Variants in AFG2A observed in about 807,000 individuals in gnomAD.
AFG2A encodes ATPase family gene 2 protein homolog A.
chr4:123,141,370 G>A, the AFG2A span, among the ~76,000 whole-genome samples: 1 of 152,212 alleles, frequency 6.6e-6, no homozygotes, highest in African/African-American at 2.4e-5. Context: ...GACTGAGGCA[G>A]AAGAATCGCT....
chr4:123,000,020 G>A, the AFG2A span, among the ~76,000 whole-genome samples: 45 of 151,356 alleles, frequency 3.0e-4, no homozygotes, highest in African/African-American at 7.3e-4. Flanking sequence ...GGTCCTTCAC[G>A]TCCCTTGTAA....
the AFG2A span, among the ~76,000 whole-genome samples, chr4:122,995,782 C>A: frequency 6.6e-6 from 1 of 152,126 alleles, no homozygotes; most frequent in African/African-American, 2.4e-5. Context: ...CATTATGCTA[C>A]GCTTCTTTGT....
the AFG2A span, among the ~76,000 whole-genome samples, chr4:122,927,359 A>G: frequency 6.6e-6 from 1 of 152,196 alleles, no homozygotes; most frequent in Non-Finnish European, 1.5e-5. Context: ...TTTACTTCTT[A>G]ATGAAATTAG....
chr4:123,020,128 C>T, the AFG2A span, among the ~76,000 whole-genome samples: 1 of 151,988 alleles, frequency 6.6e-6, no homozygotes, highest in Non-Finnish European at 1.5e-5. Context: ...TTCTTGACCA[C>T]AGCTTCTAGG....
chr4:123,256,491 T>C, the AFG2A span, among the ~76,000 whole-genome samples: 3 of 152,336 alleles, frequency 2.0e-5, no homozygotes, highest in Admixed American at 1.3e-4. Context: ...CAGCAGTTTC[T>C]AACCAATCAC....
At chr4:123,313,687 G>A in the AFG2A span, among the ~76,000 whole-genome samples, 1 of 152,234 alleles carries the variant, frequency 6.6e-6, no homozygotes, top group Non-Finnish European at 1.5e-5. Flanking sequence ...GCTTTGGGAT[G>A]AAGGAAAGAA....
chr4:123,291,494 A>G, the AFG2A span, among the ~76,000 whole-genome samples: 2 of 152,192 alleles, frequency 1.3e-5, no homozygotes, highest in African/African-American at 2.4e-5. Context: ...TCCTTTTAGC[A>G]TCTCTTGTAG....
At chr4:123,008,375 C>T in the AFG2A span, among the ~76,000 whole-genome samples, 24 of 152,276 alleles carry the variant, frequency 1.6e-4, no homozygotes, top group Non-Finnish European at 3.1e-4. Flanking sequence ...CTCACCTAGG[C>T]CCTACCTCCA....
chr4:123,208,283 G>A, the AFG2A span, among the ~76,000 whole-genome samples: 2 of 152,226 alleles, frequency 1.3e-5, no homozygotes. Context: ...ATATATAAAA[G>A]TTAACTCCAA....
At chr4:123,217,800 T>A in the AFG2A span, among the ~76,000 whole-genome samples, 1 of 152,206 alleles carries the variant, frequency 6.6e-6, no homozygotes, top group East Asian at 1.9e-4. Flanking sequence ...ACAGGTTTGT[T>A]TGTTTTTTTC....
At chr4:123,278,515 T>G in the AFG2A span, among the ~76,000 whole-genome samples, 4,796 of 152,308 alleles carry the variant, frequency 0.031, 247 homozygotes, top group African/African-American at 0.11. Context: ...TGTTTGCTCT[T>G]GATACTCTAT....
chr4:123,311,625 C>CAAA, the AFG2A span, among the ~76,000 whole-genome samples: 582 of 92,126 alleles, frequency 6.3e-3, 3 homozygotes, highest in African/African-American at 0.012. Flanking sequence ...GACTCTGTCT[C>CAAA]AAAAAAAAAA....
chr4:123,189,085 C>A, the AFG2A span, among the ~76,000 whole-genome samples: 3 of 152,200 alleles, frequency 2.0e-5, no homozygotes, highest in East Asian at 5.8e-4. Flanking sequence ...ATCCTAAAAG[C>A]CTTAATTTCT....
At chr4:123,007,568 A>ATG in the AFG2A span, among the ~76,000 whole-genome samples, 364 of 91,694 alleles carry the variant, frequency 4.0e-3, 1 homozygote, top group Middle Eastern at 8.6e-3. Flanking sequence ...GTGTGTGTAT[A>ATG]TGTGTGTGTG....
the AFG2A span, among the ~76,000 whole-genome samples, chr4:122,993,523 T>C: frequency 6.6e-6 from 1 of 152,136 alleles, no homozygotes. Context: ...TAAAGATATT[T>C]GTGTGTAAAT....
chr4:122,924,335 CAT>C, the AFG2A span, among the ~76,000 whole-genome samples: 1 of 152,218 alleles, frequency 6.6e-6, no homozygotes, highest in African/African-American at 2.4e-5. Flanking sequence ...TCACCACTTA[CAT>C]ACTCTCCCTA....
chr4:123,125,301 T>A, the AFG2A span, among the ~76,000 whole-genome samples: 4 of 152,214 alleles, frequency 2.6e-5, no homozygotes, highest in African/African-American at 9.6e-5. Flanking sequence ...GGCTTCCAGA[T>A]GAGCTTGGAA....
At chr4:122,965,158 G>A in the AFG2A span, among the ~76,000 whole-genome samples, 1 of 152,146 alleles carries the variant, frequency 6.6e-6, no homozygotes, top group African/African-American at 2.4e-5. Context: ...TTAAGTTTCT[G>A]TAGGCAGGTA....
chr4:122,926,689 A>G, the AFG2A span, among the ~76,000 whole-genome samples: 3 of 152,212 alleles, frequency 2.0e-5, no homozygotes, highest in Non-Finnish European at 2.9e-5. Context: ...TATGGTATAT[A>G]TGTTTACAAT....
Sources: gnomAD v4.1 joint callset for allele counts (sites outside exome capture counted in the v4.1 genomes callset) on GRCh38, gnomAD v4.1.1 for gene constraint, MANE v1.5 for transcripts, NCBI Gene and HGNC (gene_info 2026-07-23, HGNC 2026-07-21) for gene names.